Variants in SIK3 observed in about 807,000 individuals in gnomAD.
The protein encoded by SIK3 is SIK family kinase 3.
A neutral mutation model predicts 144.2 loss-of-function variants in SIK3; 28 were observed. The ratio of observed to expected loss-of-function variants is 0.19; its 90% CI spans 0.14 to 0.27. The LOEUF (loss-of-function observed/expected upper bound fraction) is 0.27. SIK3 is among the 10% of genes least tolerant of loss of function. The pLI is 1.00. For synonymous variants in SIK3, 686 were observed against 676.3 expected (o/e 1.01, Z -0.22); for missense variants, 1,319 against 1,776.0 (o/e 0.74, Z 4.62).
At chr11:117,029,792 G>T (rs987918262) in intron 1 of SIK3, among the ~76,000 whole-genome samples, 2 of 151,836 alleles carry the variant, frequency 1.3e-5, no homozygotes, top group Non-Finnish European at 2.9e-5. Context: ...TTCAGTTTTG[G>T]ATAAGGGAGT....
intron 22 of SIK3, among the ~76,000 whole-genome samples, chr11:116,848,200 T>C (rs1468394442): frequency 7.3e-5 from 4 of 54,956 alleles, no homozygotes; most frequent in Non-Finnish European, 2.0e-4. Context: ...CTACTAAAAA[T>C]ACAAAAAAGG....
chr11:116,915,562 TATAG>T (rs3056863), intron 4 of SIK3, among the ~76,000 whole-genome samples: 144 of 152,120 alleles, frequency 9.5e-4, no homozygotes, highest in Admixed American at 3.5e-3. Flanking sequence ...CTGGATATAA[TATAG>T]ATAGATAGAT....
rs151297688 is a variant in SIK3, at chr11:116,887,837, A to C, written c.865+8416T>G. On this transcript the variant is annotated intron_variant, in intron 6 of 24. Coordinates refer to ENST00000445177, the MANE Select transcript of SIK3 (RefSeq NM_001366686.3). ...TAATTATAAAAACTAGGTGGTATACAATCAACCTAGCCTCAAATAAATCCT... is the reference window on the plus strand; with the variant it reads ...TAATTATAAAAACTAGGTGGTATACCATCAACCTAGCCTCAAATAAATCCT... 4.0e-3 allele frequency among the ~76,000 whole-genome samples: 614 copies of C among 152,328 alleles called. 2 individuals carry two copies. The highest frequency in any genetic ancestry group is 7.2e-3 in the Non-Finnish European group (487 of 68,022).
At chr11:116,912,857 A>T (rs141074104) in intron 4 of SIK3, among the ~76,000 whole-genome samples, 18 of 152,344 alleles carry the variant, frequency 1.2e-4, no homozygotes, top group African/African-American at 4.3e-4. Flanking sequence ...AATTTCTAAT[A>T]ATTAGAAATG....
intron 1 of SIK3, among the ~76,000 whole-genome samples, chr11:117,087,097 C>T (rs113692017): frequency 0.02 from 3,064 of 151,668 alleles, 112 homozygotes; most frequent in African/African-American, 0.07. Context: ...GGGTTTTTGT[C>T]CCTTTATCAA....
intron 15 of SIK3, chr11:116,864,145 G>A (rs539647537): frequency 3.8e-5 from 7 of 183,034 alleles, no homozygotes; most frequent in East Asian, 3.0e-4. Flanking sequence ...AGGCCAGACT[G>A]TACAGAAGCT....
chr11:116,997,878 G>A (rs1950721943), intron 1 of SIK3, among the ~76,000 whole-genome samples: 1 of 152,308 alleles, frequency 6.6e-6, no homozygotes, highest in South Asian at 2.1e-4. Flanking sequence ...TTTATTCTTA[G>A]AGATGGGGTC....
chr11:117,094,926 G>T (rs1225799286), intron 1 of SIK3, among the ~76,000 whole-genome samples: 1 of 152,078 alleles, frequency 6.6e-6, no homozygotes, highest in Non-Finnish European at 1.5e-5. Context: ...GTTCTGCAGT[G>T]CCGCTCTAAG....
chr11:116,883,394 G>A (rs575430539), intron 6 of SIK3, among the ~76,000 whole-genome samples: 7 of 152,258 alleles, frequency 4.6e-5, no homozygotes, highest in Admixed American at 4.6e-4. Flanking sequence ...TATGATCCCT[G>A]CAGAAATAAT....
chr11:116,917,867 A>AAAGGAAAGGAAAGGAAAGGG (rs778389952), intron 4 of SIK3, among the ~76,000 whole-genome samples: 4 of 151,720 alleles, frequency 2.6e-5, no homozygotes, highest in Non-Finnish European at 4.4e-5. Flanking sequence ...AAAGGAAAGG[A>AAAGGAAAGGAAAGGAAAGGG]AAGGGAGAAA....
intron 15 of SIK3, 197 bp from the exon 16 acceptor site, chr11:116,864,015 CT>C: frequency 4.1e-6 from 2 of 482,678 alleles, no homozygotes; most frequent in Non-Finnish European, 7.2e-6. Flanking sequence ...AGGTGTACAT[CT>C]TCCATTTCTA....
intron 1 of SIK3, among the ~76,000 whole-genome samples, chr11:117,023,622 ATAT>A (rs1234919674): frequency 0.018 from 1,309 of 73,494 alleles, 16 homozygotes; most frequent in African/African-American, 0.041. Context: ...AAAAAAAAAA[ATAT>A]ATATATATAT....
At chr11:116,974,306 G>C (rs1364261514) in intron 1 of SIK3, among the ~76,000 whole-genome samples, 1 of 152,194 alleles carries the variant, frequency 6.6e-6, no homozygotes, top group African/African-American at 2.4e-5. Flanking sequence ...CTTTCCGTCA[G>C]TTCAAGTAAC....
intron 1 of SIK3, among the ~76,000 whole-genome samples, chr11:117,095,679 T>C (rs572780632): frequency 1.3e-5 from 2 of 152,250 alleles, no homozygotes; most frequent in Non-Finnish European, 2.9e-5. Context: ...CAGAGAAGCA[T>C]GGAGCAGGCC....
intron 1 of SIK3, among the ~76,000 whole-genome samples, chr11:117,083,346 G>A (rs1167032960): frequency 6.6e-6 from 1 of 152,152 alleles, no homozygotes; most frequent in African/African-American, 2.4e-5. Flanking sequence ...ATCCTTTAAA[G>A]AGATCCTAAA....
At chr11:117,040,967 T>A (rs185334031) in intron 1 of SIK3, among the ~76,000 whole-genome samples, 5,220 of 148,906 alleles carry the variant, frequency 0.035, 294 homozygotes, top group African/African-American at 0.12. Flanking sequence ...TTTTTTTTTT[T>A]AGCAAGGGCA....
intron 1 of SIK3, among the ~76,000 whole-genome samples, chr11:117,036,547 C>T (rs951093353): frequency 2.6e-5 from 4 of 152,120 alleles, no homozygotes; most frequent in African/African-American, 7.2e-5. Flanking sequence ...TACATATATG[C>T]TCTTTTAGAG....
At position 116,876,264 on chromosome 11, in the gene SIK3, G is replaced by T. The variant is rs764980148; in HGVS notation, c.1084C>A (p.Gln362Lys). ...TCCTTCGGAGATACCTGCAGTGTCTGTTCTTTGTCCAGTCCCATGTCCTCC... is the reference window on the plus strand; with the variant it reads ...TCCTTCGGAGATACCTGCAGTGTCTTTTCTTTGTCCAGTCCCATGTCCTCC... ...AMEDMGLDKE[Q>K]TLQSLRSDAY... Residue 362 changes from glutamine (Q) to lysine (K), a missense_variant, in exon 8 of 25, where the codon CAG becomes AAG. Around this residue, in one of 8 missense-constraint regions of SIK3, gnomAD observed 109 missense variants for 109.3 expected, o/e 1.00. Transcript: ENST00000445177. The T allele has an allele frequency of 6.2e-7, 1 of 1,613,936 alleles. No homozygotes were observed. The highest frequency in any genetic ancestry group is 8.5e-7 in the Non-Finnish European group (1 of 1,179,782).
intron 13 of SIK3, 53 bp downstream of exon 13, chr11:116,873,428 C>T (rs1485912826): frequency 1.9e-6 from 3 of 1,613,426 alleles, no homozygotes; most frequent in East Asian, 4.5e-5. Context: ...GGCTCACAAC[C>T]TTTTTATCAA....
Sources: gnomAD v4.1 joint callset for allele counts (sites outside exome capture counted in the v4.1 genomes callset) on GRCh38, gnomAD v4.1.1 for gene constraint, gnomAD v4.1.1 regional missense constraint, MANE v1.5 for transcripts, NCBI Gene and HGNC (gene_info 2026-07-23, HGNC 2026-07-21) for gene names.